ZNF493: variants seen among roughly 807,000 people sequenced by gnomAD.
ZNF493 encodes the protein zinc finger protein 493.
ZNF493 carries 11 observed loss-of-function variants against 12.2 expected under a neutral mutation model. That is an observed-to-expected ratio of 0.90 (90% CI 0.57 to 1.50). ZNF493 has a LOEUF of 1.50. ZNF493 is among the 40% of genes most tolerant of loss of function. The pLI is 0.00. For synonymous variants in ZNF493, 286 were observed against 302.6 expected (o/e 0.95, Z 0.57); for missense variants, 950 against 906.6 (o/e 1.05, Z -0.61).
Position 21,424,424 on chromosome 19 carries a change from A to G in ZNF493, c.1765A>G (p.Thr589Ala). ...ATCCTTTAGTGTATTCTCAACCCTTACTAAACACAAGATAATTCATACTGA... is the reference window on the plus strand; with the variant it reads ...ATCCTTTAGTGTATTCTCAACCCTTGCTAAACACAAGATAATTCATACTGA... ...GKSFSVFSTL[T>A]KHKIIHTDKK... The change falls in exon 4 of 4, where the codon ACT becomes GCT. Residue 589 changes from threonine to alanine, a missense_variant. Transcript: ENST00000392288. 1 of 1,612,996 alleles carries G rather than the reference A, an allele frequency of 6.2e-7. No individual in the cohort carries two copies. Among genetic ancestry groups the G allele is most frequent in the Non-Finnish European group, 8.5e-7 (1 of 1,179,552 alleles).
chr19:21,410,029 T>C (rs1175254609), intron 3 of ZNF493, among the ~76,000 whole-genome samples: 1 of 146,532 alleles, frequency 6.8e-6, no homozygotes, highest in Admixed American at 7.0e-5. Flanking sequence ...CAATATTTTC[T>C]TCTTTAAGAC....
intron 3 of ZNF493, among the ~76,000 whole-genome samples, chr19:21,416,844 C>A (rs184878782): frequency 2.0e-5 from 3 of 152,280 alleles, no homozygotes; most frequent in East Asian, 3.9e-4. Flanking sequence ...TATATTTGTA[C>A]CCCTTTTAAA....
intron 3 of ZNF493, among the ~76,000 whole-genome samples, chr19:21,421,936 C>T (rs1568382908): frequency 6.6e-6 from 1 of 152,126 alleles, no homozygotes; most frequent in Non-Finnish European, 1.5e-5. Flanking sequence ...ACCTCCGCCT[C>T]CCAGATTCAA....
intron 1 of ZNF493, 93 bp downstream of exon 1, chr19:21,397,360 G>A (rs1288064952): frequency 6.9e-7 from 1 of 1,443,016 alleles, no homozygotes; most frequent in Admixed American, 1.7e-5. Context: ...CCTCCCCGCA[G>A]TCAGCTCCAC....
chr19:21,410,157 G>A (rs1025119162), intron 3 of ZNF493, among the ~76,000 whole-genome samples: 1 of 150,652 alleles, frequency 6.6e-6, no homozygotes, highest in Admixed American at 6.6e-5. Context: ...TGGCTTTTGT[G>A]AATACGGGTA....
At chr19:21,398,646 A>G (rs1257356324) in intron 1 of ZNF493, 2 of 411,512 alleles carry the variant, frequency 4.9e-6, no homozygotes, top group Non-Finnish European at 9.7e-6. Flanking sequence ...CTCTCAAGGG[A>G]GCAAGTGGAT....
chr19:21,405,950 A>G (rs2030111066), intron 3 of ZNF493, 94 bp downstream of exon 3: 5 of 953,114 alleles, frequency 5.2e-6, no homozygotes, highest in South Asian at 2.1e-5. Context: ...GCCGGGAGCA[A>G]TGGCTCATGC....
intron 1 of ZNF493, chr19:21,397,766 A>G: frequency 4.5e-6 from 1 of 223,910 alleles, no homozygotes; most frequent in Non-Finnish European, 8.7e-6. Flanking sequence ...TCTGTGGGAG[A>G]GGCTTGAAGG....
intron 3 of ZNF493, among the ~76,000 whole-genome samples, chr19:21,410,545 ATTAAT>A (rs1190365170): frequency 1.3e-5 from 2 of 151,768 alleles, no homozygotes; most frequent in African/African-American, 2.4e-5. Flanking sequence ...TCATCTATAA[ATTAAT>A]TTAGCTTTAT....
At chr19:21,414,216 A>ACAT (rs1271441051) in intron 3 of ZNF493, 2 of 152,200 alleles carry the variant, frequency 1.3e-5, no homozygotes, top group Non-Finnish European at 2.9e-5. Flanking sequence ...TATATAAGCT[A>ACAT]GTCTCCCAAA....
chr19:21,407,785 CTTCAGT>C (rs1385670271), intron 3 of ZNF493: 1 of 984,744 alleles, frequency 1.0e-6, no homozygotes, highest in Admixed American at 6.2e-5. Context: ...ACTTATTTGT[CTTCAGT>C]TTCAATGGCT....
Position 21,405,822 on chromosome 19 carries a change from T to C in ZNF493, c.219T>C (p.Asn73=), listed in dbSNP as rs1392150307. 1 of 1,602,666 alleles carries C rather than the reference T, an allele frequency of 6.2e-7. No individual in the cohort carries two copies. Among genetic ancestry groups the C allele is most frequent in the Non-Finnish European group, 8.5e-7 (1 of 1,176,560 alleles). The part of the protein sequence containing the change: ...TCLEQGKDPW[N]MKGHSTVVKP... ...TGGAGCAAGGAAAAGATCCCTGGAATATGAAGGGACACAGTACGGTAGTCA... is the reference window on the plus strand; with the variant it reads ...TGGAGCAAGGAAAAGATCCCTGGAACATGAAGGGACACAGTACGGTAGTCA... Residue 73 remains asparagine, a synonymous_variant, in exon 3 of 4, where the codon AAT becomes AAC. Coordinates refer to ENST00000392288, the MANE Select transcript of ZNF493 (RefSeq NM_001076678.3).
At chr19:21,403,100 A>G (rs1363648045) in intron 1 of ZNF493, among the ~76,000 whole-genome samples, 1 of 152,242 alleles carries the variant, frequency 6.6e-6, no homozygotes, top group Admixed American at 6.5e-5. Flanking sequence ...GATGTCAGGG[A>G]CAGAATTGTG....
intron 1 of ZNF493, among the ~76,000 whole-genome samples, chr19:21,399,760 CT>C (rs2029883154): frequency 6.6e-6 from 1 of 151,890 alleles, no homozygotes; most frequent in South Asian, 2.1e-4. Context: ...CAAGGCTTAG[CT>C]TTTAGAGTGC....
chr19:21,422,461 T>TTA (rs2030708178), intron 3 of ZNF493, among the ~76,000 whole-genome samples: 2 of 105,072 alleles, frequency 1.9e-5, no homozygotes, highest in South Asian at 3.3e-4. Flanking sequence ...ATTTATTTAT[T>TTA]TTTATAATTT....
chr19:21,405,667 A>G, intron 2 of ZNF493, 94 bp from the exon 3 acceptor site: 2 of 1,147,784 alleles, frequency 1.7e-6, no homozygotes, highest in South Asian at 3.6e-5. Flanking sequence ...AATTTTCTAG[A>G]ATATTCTATT....
intron 1 of ZNF493, among the ~76,000 whole-genome samples, chr19:21,401,947 CTTAT>C (rs1188675269): frequency 6.7e-6 from 1 of 148,988 alleles, no homozygotes; most frequent in Admixed American, 6.7e-5. Context: ...TATTTATCTA[CTTAT>C]TTATTTATTT....
chr19:21,397,688 A>G (rs1308796439), intron 1 of ZNF493: 7 of 419,684 alleles, frequency 1.7e-5, no homozygotes, highest in African/African-American at 4.0e-5. Context: ...CTGCAAAAAT[A>G]TTAAAGAATG....
intron 3 of ZNF493, among the ~76,000 whole-genome samples, chr19:21,418,565 C>T (rs1240296193): frequency 6.6e-6 from 1 of 152,134 alleles, no homozygotes; most frequent in Non-Finnish European, 1.5e-5. Context: ...AGACCCTAAC[C>T]CAGCGGCACT....
Sources: allele counts gnomAD v4.1 joint callset (sites outside exome capture counted in the v4.1 genomes callset), GRCh38; gene constraint gnomAD v4.1.1; transcripts MANE v1.5; gene names NCBI Gene and HGNC (gene_info 2026-07-23, HGNC 2026-07-21).